FGD5: variants seen among roughly 807,000 people sequenced by gnomAD.
FGD5 encodes the protein FYVE, RhoGEF and PH domain-containing protein 5.
In FGD5, 28 loss-of-function variants were observed where a neutral mutation model predicts 133.4. That is an observed-to-expected ratio of 0.21 (90% CI 0.16 to 0.29). The LOEUF is 0.29. Among genes scored for constraint, FGD5 ranks in the 10% least tolerant of loss-of-function variants. The pLI, the probability that FGD5 is intolerant of heterozygous loss-of-function variation, is 1.00. For missense variants in FGD5, 1,858 were observed against 1,895.2 expected (o/e 0.98, Z 0.36); for synonymous variants, 810 against 776.5 (o/e 1.04, Z -0.72).
Position 14,864,349 on chromosome 3 carries a change from A to G in FGD5, c.2658+89A>G, listed in dbSNP as rs1490387674. ...AGATCTGCTCCTTCCCTTGGTGCGG[A>G]CGGAGCTGTTTGCAGATAGCTGGCC... On this transcript the variant is annotated intron_variant, in intron 2 of 19. Coordinates refer to ENST00000285046, the MANE Select transcript of FGD5 (RefSeq NM_152536.4). 5.0e-6 allele frequency: 8 copies of G among 1,589,144 alleles called. No individual in the cohort carries two copies. In the Admixed American group the frequency reaches 1.0e-4, roughly 20 times the overall value.
chr3:14,869,149 C>T (rs2037556505), intron 2 of FGD5, among the ~76,000 whole-genome samples: 1 of 151,960 alleles, frequency 6.6e-6, no homozygotes, highest in African/African-American at 2.4e-5. Flanking sequence ...AAAAAATTAT[C>T]TGGGTGTGGT....
At chr3:14,932,105 CAG>C (rs1386378403) in intron 18 of FGD5, 2 of 153,674 alleles carry the variant, frequency 1.3e-5, no homozygotes, top group Non-Finnish European at 2.9e-5. Context: ...ATATGTGAGA[CAG>C]AGTCTCACTC....
intron 18 of FGD5, among the ~76,000 whole-genome samples, chr3:14,928,786 A>G (rs2038856916): frequency 6.6e-6 from 1 of 152,204 alleles, no homozygotes; most frequent in Non-Finnish European, 1.5e-5. Context: ...TCATATGACC[A>G]TTAACTGGAT....
In FGD5 at chr3:14,876,665, C is replaced by T. The variant is rs189451401; in HGVS notation, c.2659-3907C>T. Among the ~76,000 whole-genome samples the T allele has an allele frequency of 9.9e-4, 151 of 152,288 alleles. 1 individual carries two copies. The East Asian group carries it at 0.021, about 21-fold the overall frequency. ...CTGGATTCACCTATCCACTTCCCCA[C>T]TCGGTTGGTTGGAATTGTTTTGGTT... is the stretch of plus-strand genomic sequence containing the variant. On this transcript the variant is annotated intron_variant, in intron 2 of 19. Coordinates refer to ENST00000285046, the MANE Select transcript of FGD5 (RefSeq NM_152536.4).
At chr3:14,872,776 C>T (rs925013844) in intron 2 of FGD5, among the ~76,000 whole-genome samples, 1 of 152,176 alleles carries the variant, frequency 6.6e-6, no homozygotes, top group African/African-American at 2.4e-5. Flanking sequence ...TGGGTGGTCT[C>T]TTATTAGGAG....
intron 1 of FGD5, among the ~76,000 whole-genome samples, chr3:14,836,441 C>G (rs1305513241): frequency 1.3e-5 from 2 of 152,212 alleles, no homozygotes. Context: ...GTGAGGAGAC[C>G]TGCCTGGTCC....
In FGD5 at chr3:14,897,883, C is replaced by A; in HGVS notation, c.2910-56C>A. ...TGACTCCAGGCCCCCTGCTTCTAACCCTGCGTTGGTTACAAGGCTGAGTTC... is the reference window on the plus strand; with the variant it reads ...TGACTCCAGGCCCCCTGCTTCTAACACTGCGTTGGTTACAAGGCTGAGTTC... On this transcript the variant is annotated intron_variant, in intron 5 of 19. Coordinates refer to ENST00000285046, the MANE Select transcript of FGD5 (RefSeq NM_152536.4). 8.1e-6 allele frequency: 13 copies of A among 1,606,194 alleles called. 1 individual carries two copies. The South Asian group carries it at 1.4e-4, about 18-fold the overall frequency.
chr3:14,871,947 C>T (rs1485507783), intron 2 of FGD5, among the ~76,000 whole-genome samples: 2 of 152,226 alleles, frequency 1.3e-5, no homozygotes, highest in African/African-American at 2.4e-5. Context: ...CGAACAGCAC[C>T]CTAGCATCTG....
intron 11 of FGD5, among the ~76,000 whole-genome samples, chr3:14,915,887 C>T (rs2038544458): frequency 6.6e-6 from 1 of 152,310 alleles, no homozygotes; most frequent in South Asian, 2.1e-4. Flanking sequence ...GTACAGGGCT[C>T]ACCCTGGTTC....
intron 19 of FGD5, 25 bp downstream of exon 19, chr3:14,932,756 A>G: frequency 4.4e-6 from 7 of 1,603,848 alleles, no homozygotes; most frequent in Admixed American, 3.4e-5. Flanking sequence ...AATTAGTCTT[A>G]TAGCTTTTTG....
chr3:14,917,232 G>A lies in FGD5; in HGVS notation c.3406-17G>A, dbSNP rs769112051. ...TTCTGGGGCCAGGGTCCTCTCATAG[G>A]GTTTCCCTCTCTCCAGATGAACGAT... On this transcript the variant is annotated splice_polypyrimidine_tract_variant and intron_variant, in intron 11 of 19. Transcript: ENST00000285046. This position sits in a 1 kb window ranked among gnomAD's most constrained non-coding sequence, Gnocchi z 4.1. 1 of 1,610,848 alleles carries A rather than the reference G, an allele frequency of 6.2e-7. No homozygotes were observed.
At chr3:14,844,555 G>T (rs1199435386) in intron 1 of FGD5, among the ~76,000 whole-genome samples, 5 of 151,680 alleles carry the variant, frequency 3.3e-5, no homozygotes, top group Non-Finnish European at 5.9e-5. Flanking sequence ...ATAGGGAGAA[G>T]GGTCCCTTGG....
At chr3:14,864,735 C>A (rs182565673) in intron 2 of FGD5, among the ~76,000 whole-genome samples, 67 of 152,278 alleles carry the variant, frequency 4.4e-4, no homozygotes, top group African/African-American at 1.3e-3. Flanking sequence ...GATGGAGTTG[C>A]TGGAGGGAGG....
chr3:14,865,599 C>T (rs1341684180), intron 2 of FGD5, among the ~76,000 whole-genome samples: 1 of 152,108 alleles, frequency 6.6e-6, no homozygotes, highest in Middle Eastern at 3.2e-3. Flanking sequence ...TACTGAGCCA[C>T]GTATCTGGCA....
intron 1 of FGD5, among the ~76,000 whole-genome samples, chr3:14,854,067 C>T (rs1292059558): frequency 1.3e-5 from 2 of 151,886 alleles, no homozygotes; most frequent in Non-Finnish European, 2.9e-5. Flanking sequence ...CTTTCACCAT[C>T]GTGTTCTTAT....
At chr3:14,925,732 A>C (rs1475398047) in intron 17 of FGD5, among the ~76,000 whole-genome samples, 1 of 152,224 alleles carries the variant, frequency 6.6e-6, no homozygotes, top group Non-Finnish European at 1.5e-5. Context: ...AAAGTGCAAG[A>C]GTTAATTTTA....
chr3:14,810,758 C>A, upstream of FGD5: 1 of 969,510 alleles, frequency 1.0e-6, no homozygotes, highest in Non-Finnish European at 1.2e-6. Flanking sequence ...GCGGGCCCCG[C>A]GGGGCGGCCG....
chr3:14,900,955 G>T, intron 8 of FGD5, 48 bp from the exon 9 acceptor site: 2 of 1,608,738 alleles, frequency 1.2e-6, no homozygotes, highest in South Asian at 2.2e-5. Context: ...GGGGAAAATT[G>T]ATGCCCCTCT....
At position 14,917,356 on chromosome 3, in the gene FGD5, C is replaced by A; in HGVS notation, c.3489+24C>A. On this transcript the variant is annotated intron_variant, in intron 12 of 19. Transcript: ENST00000285046. This position sits in a 1 kb window ranked among gnomAD's most constrained non-coding sequence, Gnocchi z 4.1. ...AGGTAAATATCTGGTGCCAGGTACC[C>A]CCGGGTTGGGGGACAGGGAGACCCC... 6.2e-7 allele frequency: 1 copy of A among 1,603,432 alleles called. No individual in the cohort carries two copies. The highest frequency in any genetic ancestry group is 2.3e-5 in the East Asian group (1 of 44,414).
Sources: allele counts gnomAD v4.1 joint callset (sites outside exome capture counted in the v4.1 genomes callset), GRCh38; gene constraint gnomAD v4.1.1; non-coding constraint Gnocchi (gnomAD v3.1); transcripts MANE v1.5; gene names NCBI Gene and HGNC (gene_info 2026-07-23, HGNC 2026-07-21).